Variants in NOL3 observed in about 807,000 individuals in gnomAD.
NOL3 encodes nucleolar protein 3.
NOL3 carries 18 observed loss-of-function variants against 19.2 expected under a neutral mutation model. The observed-to-expected ratio is 0.94, with a 90% CI of 0.65 to 1.39. NOL3 has a LOEUF of 1.39. Ranked by LOEUF, NOL3 falls within the 40% of genes most tolerant of loss-of-function variation. The pLI, the probability that NOL3 is intolerant of heterozygous loss-of-function variation, is 0.00. For synonymous variants in NOL3, 127 were observed against 137.3 expected (o/e 0.93, Z 0.52); for missense variants, 290 against 289.5 (o/e 1.00, Z -0.01).
Position 67,174,628 on chromosome 16 carries a change from G to T in NOL3, c.303G>T (p.Arg101=). 3 of 1,533,186 alleles carry T rather than the reference G, an allele frequency of 2.0e-6. No homozygotes were observed. The East Asian group carries it at 6.8e-5, about 35-fold the overall frequency. 95.0% of individuals were successfully genotyped at this position (1,533,186 alleles called of 1,614,324 possible). The change falls in exon 3 of 4, where the codon CGG becomes CGT. Residue 101 remains arginine (R), a synonymous_variant. Coordinates refer to ENST00000268605, the Ensembl canonical transcript of NOL3. Reference sequence around the variant, plus strand: ...CTCCCACTTCCGCCCCAGGCTACCGGGACCGCAGCTATGACCCTCCATGCC... The same window carrying T: ...CTCCCACTTCCGCCCCAGGCTACCGTGACCGCAGCTATGACCCTCCATGCC...
rs984126487 is a variant in NOL3 at position 67,170,666 on chromosome 16, C to G, written c.-9+92C>G. ...ACCGAGATTGGGCAGAATCAGCGCC[C>G]CACCACCCGCTGCGGCGCTCGGGGG... is the stretch of plus-strand genomic sequence containing the variant. On this transcript the variant is annotated intron_variant, in intron 1 of 3. Coordinates refer to ENST00000268605, the Ensembl canonical transcript of NOL3. The surrounding 1 kb of genome is among the most constrained non-coding windows in gnomAD (Gnocchi z 5.7). 4 of 152,144 alleles carry G rather than the reference C, an allele frequency of 2.6e-5. No homozygotes were observed. The highest frequency in any genetic ancestry group is 9.7e-5 in the African/African-American group (4 of 41,416). 9.4% of individuals were successfully genotyped at this position (152,144 alleles called of 1,614,324 possible). A position where few individuals can be genotyped will look rare whatever the true frequency, so the allele number is the denominator to read the frequency against.
intron 1 of NOL3, chr16:67,173,617 A>G: frequency 1.9e-6 from 1 of 528,294 alleles, no homozygotes; most frequent in Non-Finnish European, 3.4e-6. Flanking sequence ...GGGCCAAAGC[A>G]GGAGGCAGAA....
exon 3 of NOL3, chr16:67,174,630 A>C: frequency 2.0e-6 from 3 of 1,534,176 alleles, no homozygotes; most frequent in Non-Finnish European, 2.6e-6. Context: ...GGCTACCGGG[A>C]CCGCAGCTAT....
chr16:67,175,157 C>G (rs548484873), exon 4 of NOL3: 1 of 1,592,420 alleles, frequency 6.3e-7, no homozygotes, highest in South Asian at 1.1e-5. Flanking sequence ...AGCCCAGTAC[C>G]GCTGGAAGTG....
chr16:67,174,795 T>C (rs753268846), exon 3 of NOL3: 1 of 1,606,330 alleles, frequency 6.2e-7, no homozygotes, highest in South Asian at 1.1e-5. Context: ...GAGCCAGAGC[T>C]GGAAGCTGAG....
exon 2 of NOL3, chr16:67,174,226 G>T: frequency 6.2e-7 from 1 of 1,613,102 alleles, no homozygotes. Context: ...GGAAACGCCT[G>T]GTCGAGACGC....
exon 2 of NOL3, chr16:67,174,185 G>A (rs779917958): frequency 6.2e-7 from 1 of 1,610,758 alleles, no homozygotes; most frequent in Non-Finnish European, 8.5e-7. Flanking sequence ...CAACGCGCAG[G>A]AGCGGCCGTC....
At chr16:67,174,418 C>T (rs1284669631) in exon 2 of NOL3, 2 of 1,528,448 alleles carry the variant, frequency 1.3e-6, no homozygotes, top group East Asian at 2.4e-5. Context: ...CCCAGCGTAC[C>T]GCGGGCGCGC....
chr16:67,174,101 A>G (rs1294443429), intron 1 of NOL3, 61 bp from the exon 2 acceptor site: 55 of 1,599,218 alleles, frequency 3.4e-5, no homozygotes, highest in Admixed American at 5.1e-5. Context: ...GAGTGGTCAG[A>G]GGCGGCGAGG....
intron 1 of NOL3, chr16:67,173,647 T>C: frequency 1.8e-6 from 1 of 570,378 alleles, no homozygotes; most frequent in Non-Finnish European, 3.1e-6. Flanking sequence ...TAGTAAGTGG[T>C]GAGGATGGTG....
chr16:67,174,374 G>A (rs988393885), exon 2 of NOL3: 2 of 1,568,616 alleles, frequency 1.3e-6, no homozygotes, highest in East Asian at 2.4e-5. Flanking sequence ...GCAGGGCAAG[G>A]GCGAGGCCGC....
At chr16:67,174,752 G>C (rs1242192555) in exon 3 of NOL3, 1 of 1,609,984 alleles carries the variant, frequency 6.2e-7, no homozygotes. Context: ...TGAGGGCTCC[G>C]AGGCGGTGCA....
intron 1 of NOL3, chr16:67,173,909 C>T (rs954655297): frequency 5.4e-5 from 83 of 1,535,854 alleles, no homozygotes; most frequent in Non-Finnish European, 6.5e-5. Context: ...AGGAGAGCCA[C>T]GGCTGACGCT....
chr16:67,174,591 G>T, intron 2 of NOL3, 30 bp from the exon 3 acceptor site: 1 of 1,517,384 alleles, frequency 6.6e-7, no homozygotes. Flanking sequence ...GGGGTAAATT[G>T]AGCCTCAGTC....
intron 1 of NOL3, among the ~76,000 whole-genome samples, chr16:67,172,399 T>C (rs1267365171): frequency 2.0e-5 from 3 of 151,738 alleles, no homozygotes; most frequent in Admixed American, 2.0e-4. Context: ...GATCACGAGG[T>C]CAGGAGTTCG....
chr16:67,172,493 C>G (rs899444880), intron 1 of NOL3, among the ~76,000 whole-genome samples: 7 of 151,338 alleles, frequency 4.6e-5, no homozygotes, highest in African/African-American at 9.7e-5. Context: ...CACCTGTAAT[C>G]TCAGCTACTC....
chr16:67,174,616 C>A lies in NOL3; in HGVS notation c.296-5C>A. 6.6e-7 allele frequency: 1 copy of A among 1,526,068 alleles called. No homozygotes were observed. The highest frequency in any genetic ancestry group is 1.3e-5 in the South Asian group (1 of 76,576). The allele number at this position is 1,526,068 out of a possible 1,614,324, so 94.5% of individuals were successfully genotyped here. A position where few individuals can be genotyped will look rare whatever the true frequency, so the allele number is the denominator to read the frequency against. On this transcript the variant is annotated splice_region_variant and splice_polypyrimidine_tract_variant and intron_variant, in intron 2 of 3. Coordinates refer to ENST00000268605, the Ensembl canonical transcript of NOL3. The stretch of plus-strand genomic sequence containing the variant: ...GAGCCTCAGTCACTCCCACTTCCGC[C>A]CCAGGCTACCGGGACCGCAGCTATG...
chr16:67,175,563 C>T, exon 4 of NOL3: 1 of 164,034 alleles, frequency 6.1e-6, no homozygotes, highest in Non-Finnish European at 1.3e-5. Context: ...AAGAGGGGAG[C>T]AGAAAGGGAC....
chr16:67,174,028 T>A, intron 1 of NOL3, 134 bp from the exon 2 acceptor site: 1 of 1,549,078 alleles, frequency 6.5e-7, no homozygotes, highest in Non-Finnish European at 8.7e-7. Context: ...TGCGGAGCCG[T>A]CCGGCGGCTG....
Sources: allele counts gnomAD v4.1 joint callset (sites outside exome capture counted in the v4.1 genomes callset), GRCh38; gene constraint gnomAD v4.1.1; non-coding constraint Gnocchi (gnomAD v3.1); transcripts MANE v1.5; gene names NCBI Gene and HGNC (gene_info 2026-07-23, HGNC 2026-07-21).